The following CDH8 variants were observed in gnomAD, a reference collection of about 807,000 sequenced individuals.
The protein encoded by CDH8 is cadherin 8, also known as cadherin-8.
CDH8 carries 17 observed loss-of-function variants against 68.1 expected under a neutral mutation model. That is an observed-to-expected ratio of 0.25 (90% CI 0.17 to 0.37). CDH8 has a LOEUF of 0.37. CDH8 is among the 10% of genes least tolerant of loss of function. The pLI, the probability that CDH8 is intolerant of heterozygous loss-of-function variation, is 1.00. For missense variants in CDH8, 763 were observed against 999.3 expected, an observed-to-expected ratio of 0.76 and a Z score of 3.19; for synonymous variants, 372 against 365.1, an observed-to-expected ratio of 1.02 and a Z score of -0.21.
intron 10 of CDH8, among the ~76,000 whole-genome samples, chr16:61,674,240 T>G (rs1010116986): frequency 1.3e-5 from 2 of 151,768 alleles, no homozygotes; most frequent in Non-Finnish European, 2.9e-5. Flanking sequence ...ATATTATGAG[T>G]TCAGGAGTTC....
At chr16:61,711,378 A>AT (rs1384199851) in intron 10 of CDH8, among the ~76,000 whole-genome samples, 1 of 151,844 alleles carries the variant, frequency 6.6e-6, no homozygotes, top group African/African-American at 2.4e-5. Context: ...TCAACAATAG[A>AT]TTTGATTATA....
chr16:61,655,882 T>TC (rs1360790849), intron 10 of CDH8, among the ~76,000 whole-genome samples, 161 bp from the exon 11 acceptor site: 7 of 151,380 alleles, frequency 4.6e-5, no homozygotes, highest in African/African-American at 1.7e-4. Flanking sequence ...ACTTTTTTTT[T>TC]TTTTTTTTGA....
chr16:61,797,979 T>C (rs1961536098), intron 7 of CDH8, among the ~76,000 whole-genome samples: 1 of 151,944 alleles, frequency 6.6e-6, no homozygotes, highest in African/African-American at 2.4e-5. Flanking sequence ...GAAAATAACA[T>C]AATAAAACCA....
At chr16:61,727,786 C>T (rs780483690) in intron 8 of CDH8, among the ~76,000 whole-genome samples, 35 of 150,858 alleles carry the variant, frequency 2.3e-4, no homozygotes, top group African/African-American at 8.0e-4. Flanking sequence ...TAAGATGATC[C>T]CAAGTGATTT....
intron 2 of CDH8, among the ~76,000 whole-genome samples, chr16:61,987,839 T>A (rs1965654440): frequency 6.6e-6 from 1 of 152,130 alleles, no homozygotes; most frequent in African/African-American, 2.4e-5. Flanking sequence ...ATTTACCAAG[T>A]GCTAACTGCA....
At chr16:61,780,012 G>A (rs1377995070) in intron 8 of CDH8, among the ~76,000 whole-genome samples, 1 of 152,146 alleles carries the variant, frequency 6.6e-6, no homozygotes, top group Non-Finnish European at 1.5e-5. Flanking sequence ...TCTCATCCTT[G>A]CCCTCTGTGA....
chr16:61,796,265 A>T (rs1030601307), intron 7 of CDH8, among the ~76,000 whole-genome samples: 1 of 152,120 alleles, frequency 6.6e-6, no homozygotes, highest in African/African-American at 2.4e-5. Flanking sequence ...GGTTAAAAAA[A>T]ATCTAGTATT....
At chr16:61,789,558 C>A in intron 7 of CDH8, 76 bp from the exon 8 acceptor site, 3 of 1,292,940 alleles carry the variant, frequency 2.3e-6, no homozygotes, top group East Asian at 2.7e-5. Context: ...CTTTAGTAAT[C>A]CTTGGAGAGC....
chr16:61,686,759 T>C (rs1964117919), intron 10 of CDH8, among the ~76,000 whole-genome samples: 1 of 151,886 alleles, frequency 6.6e-6, no homozygotes, highest in Non-Finnish European at 1.5e-5. Flanking sequence ...CAGAGCTGGG[T>C]TTTGTGTTTC....
At chr16:61,958,479 A>C (rs1036700636) in intron 2 of CDH8, among the ~76,000 whole-genome samples, 2 of 151,970 alleles carry the variant, frequency 1.3e-5, no homozygotes, top group African/African-American at 2.4e-5. Flanking sequence ...ATTTAGGTCA[A>C]CCCTTGTCAA....
chr16:61,884,741 T>C (rs1178371235), intron 3 of CDH8, among the ~76,000 whole-genome samples: 3 of 152,192 alleles, frequency 2.0e-5, no homozygotes, highest in Admixed American at 6.5e-5. Flanking sequence ...TAGTACAGAA[T>C]ACACACAACA....
intron 2 of CDH8, among the ~76,000 whole-genome samples, chr16:61,931,218 T>C (rs1567533391): frequency 6.6e-6 from 1 of 152,114 alleles, no homozygotes. Flanking sequence ...CAGGCCAGAG[T>C]GCAGTGGCGT....
At chr16:62,027,494 A>C (rs2150618891) in intron 1 of CDH8, among the ~76,000 whole-genome samples, 1 of 152,354 alleles carries the variant, frequency 6.6e-6, no homozygotes, top group South Asian at 2.1e-4. Context: ...TTGACAGGAA[A>C]CTATGCTTTT....
At chr16:61,763,280 T>C (rs1265781511) in intron 8 of CDH8, among the ~76,000 whole-genome samples, 1 of 152,170 alleles carries the variant, frequency 6.6e-6, no homozygotes, top group South Asian at 2.1e-4. Context: ...CATACACACG[T>C]GCCAGGGTCA....
chr16:61,683,359 C>T (rs532500425), intron 10 of CDH8, among the ~76,000 whole-genome samples: 2 of 151,994 alleles, frequency 1.3e-5, no homozygotes, highest in African/African-American at 4.8e-5. Context: ...GTAAATGTTA[C>T]CCATGATTTA....
chr16:61,987,999 G>T (rs966510495), intron 2 of CDH8, among the ~76,000 whole-genome samples: 6 of 152,156 alleles, frequency 3.9e-5, no homozygotes, highest in African/African-American at 1.4e-4. Flanking sequence ...TGACTTTATA[G>T]CATTAGGAAC....
intron 10 of CDH8, among the ~76,000 whole-genome samples, chr16:61,701,180 A>G (rs1964422457): frequency 6.6e-6 from 1 of 151,676 alleles, no homozygotes; most frequent in Admixed American, 6.6e-5. Context: ...GGGTCACTAG[A>G]CTACCGTGAT....
In CDH8 at chr16:61,746,324, T is replaced by C. The variant is rs1002133710; in HGVS notation, c.1415-19109A>G. On this transcript the variant is annotated intron_variant, in intron 8 of 11. Coordinates refer to ENST00000577390, the MANE Select transcript of CDH8 (RefSeq NM_001796.5). ...AAAAATTCCAGGTCACTGATTTCCA[T>C]GTGGTCTCTATGCCCTGTGAGTTGA... 3.9e-5 allele frequency among the ~76,000 whole-genome samples: 6 copies of C among 152,038 alleles called. No individual in the cohort carries two copies. In the East Asian group the frequency reaches 7.7e-4, roughly 20 times the overall value.
At chr16:61,732,294 A>G (rs904558573) in intron 8 of CDH8, among the ~76,000 whole-genome samples, 2 of 151,858 alleles carry the variant, frequency 1.3e-5, no homozygotes, top group Middle Eastern at 3.2e-3. Flanking sequence ...AAACACAAAG[A>G]GACTCACAGA....
Sources: gnomAD v4.1 joint callset for allele counts (sites outside exome capture counted in the v4.1 genomes callset) on GRCh38, gnomAD v4.1.1 for gene constraint, MANE v1.5 for transcripts, NCBI Gene and HGNC (gene_info 2026-07-23, HGNC 2026-07-21) for gene names.